Variants in CSMD2 observed in about 807,000 individuals in gnomAD.
CSMD2 encodes CUB and sushi domain-containing protein 2.
A neutral mutation model predicts 398.5 loss-of-function variants in CSMD2; 130 were observed. The observed-to-expected ratio is 0.33, with a 90% CI of 0.28 to 0.38. The LOEUF is 0.38. Ranked by LOEUF, CSMD2 falls within the 10% of genes least tolerant of loss-of-function variation. The probability of loss-of-function intolerance (pLI) is 1.00; values close to 1 mark genes in which losing one functional copy is unlikely to be tolerated. For synonymous variants in CSMD2, 1,828 were observed against 1,908.5 expected, an observed-to-expected ratio of 0.96 and a Z score of 1.10; for missense variants, 3,829 against 4,764.9, an observed-to-expected ratio of 0.80 and a Z score of 5.78.
At chr1:34,052,170 C>T (rs1653254808) in intron 2 of CSMD2, among the ~76,000 whole-genome samples, 1 of 145,372 alleles carries the variant, frequency 6.9e-6, no homozygotes, top group African/African-American at 2.5e-5. Flanking sequence ...CATATGTATA[C>T]ACACACACAC....
intron 53 of CSMD2, among the ~76,000 whole-genome samples, chr1:33,562,829 C>T (rs1037392624): frequency 1.3e-5 from 2 of 152,182 alleles, no homozygotes; most frequent in East Asian, 1.9e-4. Flanking sequence ...AGAGGGAATT[C>T]GGCTAGCAGC....
At chr1:33,587,773 A>AT (rs1639184564) in intron 44 of CSMD2, among the ~76,000 whole-genome samples, 1 of 152,174 alleles carries the variant, frequency 6.6e-6, no homozygotes, top group Non-Finnish European at 1.5e-5. Context: ...ATTCATCCCT[A>AT]TGGGCAGAGA....
chr1:34,016,091 A>G (rs1334579983), intron 3 of CSMD2, among the ~76,000 whole-genome samples: 1 of 152,064 alleles, frequency 6.6e-6, no homozygotes, highest in East Asian at 1.9e-4. Context: ...TTATATACAT[A>G]TATTTAGTTA....
chr1:33,574,212 T>C (rs1239005940), intron 49 of CSMD2, among the ~76,000 whole-genome samples: 1 of 151,924 alleles, frequency 6.6e-6, no homozygotes, highest in African/African-American at 2.4e-5. Flanking sequence ...ATATATGAGA[T>C]ATGAAAAATG....
At chr1:33,858,192 A>G (rs564259230) in intron 5 of CSMD2, among the ~76,000 whole-genome samples, 3 of 152,328 alleles carry the variant, frequency 2.0e-5, no homozygotes, top group Non-Finnish European at 4.4e-5. Context: ...TGGGTCATCC[A>G]AGTCAGTTGA....
chr1:33,845,813 A>C (rs1217605691), intron 6 of CSMD2, among the ~76,000 whole-genome samples: 1 of 152,218 alleles, frequency 6.6e-6, no homozygotes, highest in Non-Finnish European at 1.5e-5. Context: ...AGCTGCTTTT[A>C]TCCCAGTTTC....
At chr1:34,072,995 G>A (rs905230315) in intron 2 of CSMD2, among the ~76,000 whole-genome samples, 1 of 152,106 alleles carries the variant, frequency 6.6e-6, no homozygotes, top group African/African-American at 2.4e-5. Context: ...AGATACCAGG[G>A]TCCCAGGTAT....
intron 53 of CSMD2, among the ~76,000 whole-genome samples, chr1:33,563,225 T>C (rs1658734647): frequency 6.6e-6 from 1 of 151,552 alleles, no homozygotes; most frequent in Admixed American, 6.6e-5. Context: ...TAAGGGAATC[T>C]TTATTGAATA....
intron 35 of CSMD2, among the ~76,000 whole-genome samples, chr1:33,623,821 C>T (rs933922285): frequency 9.2e-5 from 14 of 152,220 alleles, no homozygotes; most frequent in African/African-American, 2.9e-4. Flanking sequence ...TTTCATCAGA[C>T]GTCCTGCAGC....
At chr1:33,733,520 G>A (rs1180162029) in intron 15 of CSMD2, among the ~76,000 whole-genome samples, 1 of 152,168 alleles carries the variant, frequency 6.6e-6, no homozygotes, top group Non-Finnish European at 1.5e-5. Context: ...CAATGGGGCA[G>A]TGGATGTTGA....
intron 1 of CSMD2, among the ~76,000 whole-genome samples, chr1:34,106,894 C>T (rs1253018706): frequency 2.6e-5 from 4 of 152,242 alleles, no homozygotes; most frequent in Non-Finnish European, 5.9e-5. Flanking sequence ...ACAGAAGCCA[C>T]CATTGCGGAC....
intron 19 of CSMD2, among the ~76,000 whole-genome samples, chr1:33,720,320 C>T (rs1027423548): frequency 6.6e-6 from 1 of 152,192 alleles, no homozygotes; most frequent in Non-Finnish European, 1.5e-5. Context: ...AATGCAAGTT[C>T]TCTACAGTGG....
At chr1:34,111,564 G>T (rs1188662435) in intron 1 of CSMD2, among the ~76,000 whole-genome samples, 3 of 152,178 alleles carry the variant, frequency 2.0e-5, no homozygotes, top group Non-Finnish European at 4.4e-5. Flanking sequence ...CATGACTTTG[G>T]TCCTTGCGTT....
chr1:33,602,392 G>C lies in CSMD2; in HGVS notation c.6687C>G (p.Pro2229=), dbSNP rs554270364. Residue 2229 remains proline (P), a synonymous_variant, in exon 43 of 71, where the codon CCC becomes CCG. Transcript: ENST00000373381. Reference sequence around the variant, plus strand: ...ACCAGATGGTGATGAAATCTCCAGAGGGCTCTGTCTGCAGCAGGCTGAGGT... The same window carrying C: ...ACCAGATGGTGATGAAATCTCCAGACGGCTCTGTCTGCAGCAGGCTGAGGT... ...RLNLSLLQTE[P]SGDFITIWDG... The C allele has an allele frequency of 3.7e-6, 6 of 1,613,670 alleles. No individual in the cohort carries two copies. The African/African-American group carries it at 8.0e-5, about 22-fold the overall frequency.
intron 47 of CSMD2, among the ~76,000 whole-genome samples, chr1:33,581,362 A>T (rs1428871772): frequency 1.6e-4 from 23 of 147,936 alleles, no homozygotes; most frequent in Non-Finnish European, 3.0e-4. Context: ...ACTAAAAAAA[A>T]AAAAAAAAAA....
intron 17 of CSMD2, 71 bp from the exon 18 acceptor site, chr1:33,724,775 A>G (rs1646473730): frequency 1.5e-6 from 2 of 1,365,892 alleles, no homozygotes; most frequent in East Asian, 4.6e-5. Flanking sequence ...TTGACTCCAA[A>G]GAGTAAGAAG....
intron 6 of CSMD2, among the ~76,000 whole-genome samples, chr1:33,830,184 C>A (rs536753077): frequency 6.6e-6 from 1 of 152,226 alleles, no homozygotes; most frequent in Non-Finnish European, 1.5e-5. Context: ...AGCTGGAGAT[C>A]TGAGAATGGG....
At chr1:33,699,000 T>C in intron 23 of CSMD2, 56 bp from the exon 24 acceptor site, 1 of 1,456,448 alleles carries the variant, frequency 6.9e-7, no homozygotes, top group Non-Finnish European at 9.4e-7. Context: ...GAAACCATGC[T>C]TCCTCTCTTC....
At chr1:33,855,982 T>C (rs1202204542) in intron 5 of CSMD2, among the ~76,000 whole-genome samples, 1 of 152,240 alleles carries the variant, frequency 6.6e-6, no homozygotes, top group Non-Finnish European at 1.5e-5. Context: ...TATTTGAATC[T>C]GCGTTCTACT....
Sources: allele counts gnomAD v4.1 joint callset (sites outside exome capture counted in the v4.1 genomes callset), GRCh38; gene constraint gnomAD v4.1.1; transcripts MANE v1.5; gene names NCBI Gene and HGNC (gene_info 2026-07-23, HGNC 2026-07-21).